Variants in ANKS1B observed in about 807,000 individuals in gnomAD.
The protein encoded by ANKS1B is ankyrin repeat and sterile alpha motif domain containing 1B.
ANKS1B carries 36 observed loss-of-function variants against 148.3 expected under a neutral mutation model. That is an observed-to-expected ratio of 0.24 (90% confidence interval 0.19 to 0.32). ANKS1B has a LOEUF of 0.32. Ranked by LOEUF, ANKS1B falls within the 10% of genes least tolerant of loss-of-function variation. The probability of loss-of-function intolerance (pLI) is 1.00; values close to 1 mark genes in which losing one functional copy is unlikely to be tolerated. For missense variants in ANKS1B, 1,157 were observed against 1,542.6 expected (o/e 0.75, Z 4.19); for synonymous variants, 542 against 560.8 (o/e 0.97, Z 0.47).
intron 10 of ANKS1B, among the ~76,000 whole-genome samples, chr12:99,495,342 A>AGAGT (rs1555458173): frequency 6.9e-6 from 1 of 145,298 alleles, no homozygotes; most frequent in Non-Finnish European, 1.5e-5. Flanking sequence ...GGGGAGAAAA[A>AGAGT]GTGTGTGTGT....
At chr12:99,681,116 T>G (rs2098612960) in intron 8 of ANKS1B, among the ~76,000 whole-genome samples, 1 of 152,030 alleles carries the variant, frequency 6.6e-6, no homozygotes, top group African/African-American at 2.4e-5. Context: ...ATGGCCCCAC[T>G]CATCACCTGA....
intron 26 of ANKS1B, among the ~76,000 whole-genome samples, chr12:98,746,296 C>A (rs1027655491): frequency 5.3e-5 from 8 of 152,160 alleles, no homozygotes; most frequent in Admixed American, 1.3e-4. Context: ...ACCTCCAGTA[C>A]CCCTGCCCAC....
chr12:99,463,823 G>A (rs1228936005), intron 10 of ANKS1B, among the ~76,000 whole-genome samples: 1 of 152,222 alleles, frequency 6.6e-6, no homozygotes, highest in African/African-American at 2.4e-5. Flanking sequence ...ACAGCTCAAG[G>A]AGGCCTGCCT....
chr12:99,152,535 T>C (rs2075212919), intron 15 of ANKS1B, among the ~76,000 whole-genome samples: 1 of 152,166 alleles, frequency 6.6e-6, no homozygotes, highest in Admixed American at 6.6e-5. Context: ...GATCTCTCTT[T>C]GAATGCTTAT....
At chr12:99,093,814 T>G (rs2054941208) in intron 15 of ANKS1B, among the ~76,000 whole-genome samples, 1 of 152,012 alleles carries the variant, frequency 6.6e-6, no homozygotes, top group South Asian at 2.1e-4. Context: ...GAGAACTACA[T>G]TCAGAAATAG....
At chr12:99,636,872 C>G (rs758292725) in intron 9 of ANKS1B, among the ~76,000 whole-genome samples, 1 of 152,166 alleles carries the variant, frequency 6.6e-6, no homozygotes, top group Non-Finnish European at 1.5e-5. Flanking sequence ...TTAAAATACA[C>G]TTCAAAATCA....
At chr12:98,984,283 C>T (rs919814882) in intron 17 of ANKS1B, among the ~76,000 whole-genome samples, 3 of 152,316 alleles carry the variant, frequency 2.0e-5, no homozygotes, top group African/African-American at 7.2e-5. Flanking sequence ...TCTGAGTTTT[C>T]AACAAAGAAC....
At chr12:99,955,427 A>G (rs1174380211) in intron 1 of ANKS1B, among the ~76,000 whole-genome samples, 1 of 132,622 alleles carries the variant, frequency 7.5e-6, no homozygotes, top group African/African-American at 2.8e-5. Flanking sequence ...CGGGAGGCGG[A>G]GCTTGCAGTG....
chr12:98,894,912 C>A (rs1417255140), intron 17 of ANKS1B: 27 of 947,698 alleles, frequency 2.8e-5, no homozygotes, highest in Non-Finnish European at 3.0e-5. Context: ...CCGCCCCCCG[C>A]GCGGCGCGTG....
intron 10 of ANKS1B, among the ~76,000 whole-genome samples, chr12:99,475,299 A>C (rs2152919204): frequency 6.6e-6 from 1 of 151,622 alleles, no homozygotes; most frequent in South Asian, 2.1e-4. Context: ...AGTAAAATAT[A>C]TTAAAATTAA....
At chr12:98,940,599 A>G (rs1412322648) in intron 17 of ANKS1B, among the ~76,000 whole-genome samples, 2 of 152,128 alleles carry the variant, frequency 1.3e-5, no homozygotes, top group African/African-American at 2.4e-5. Flanking sequence ...AATATTTATT[A>G]TCTGTGTCAG....
chr12:98,900,771 T>C (rs2099770883), intron 17 of ANKS1B, among the ~76,000 whole-genome samples: 1 of 152,222 alleles, frequency 6.6e-6, no homozygotes, highest in South Asian at 2.1e-4. Context: ...AAAAATACTT[T>C]TACTCATTAT....
At chr12:99,692,175 TCTGGATG>T (rs1263718168) in intron 8 of ANKS1B, among the ~76,000 whole-genome samples, 10 of 152,126 alleles carry the variant, frequency 6.6e-5, no homozygotes, top group Middle Eastern at 3.2e-3. Context: ...TAAAGAACAT[TCTGGATG>T]CTGTGAGTAA....
At chr12:99,312,373 G>C (rs2083301661) in intron 12 of ANKS1B, among the ~76,000 whole-genome samples, 1 of 152,082 alleles carries the variant, frequency 6.6e-6, no homozygotes. Context: ...TGGTGAGGTG[G>C]GAACAAGAAG....
Position 99,130,047 on chromosome 12 carries a change from G to A in ANKS1B, c.2526+24242C>T, listed in dbSNP as rs111691630. 5.1e-3 allele frequency among the ~76,000 whole-genome samples: 769 copies of A among 150,984 alleles called. 9 individuals are homozygous for A. Among genetic ancestry groups the A allele is most frequent in the African/African-American group, 0.018 (727 of 41,256 alleles). On this transcript the variant is annotated intron_variant, in intron 15 of 26. Transcript: ENST00000683438. ...GAGGAACACAATAATCTTTTTTTTT[G>A]TCTTCTGTACAGTTATATCAATTTT...
intron 1 of ANKS1B, among the ~76,000 whole-genome samples, chr12:99,836,030 T>A (rs1417525247): frequency 6.6e-6 from 1 of 152,228 alleles, no homozygotes; most frequent in African/African-American, 2.4e-5. Context: ...GAATATTTAC[T>A]GAAATGTGCA....
intron 1 of ANKS1B, among the ~76,000 whole-genome samples, chr12:99,900,484 C>T (rs984706230): frequency 1.1e-4 from 14 of 124,034 alleles, no homozygotes; most frequent in African/African-American, 1.9e-4. Context: ...CCAGCCTGGG[C>T]GACAGAGTGA....
chr12:99,732,052 T>C (rs1600881338), intron 8 of ANKS1B, among the ~76,000 whole-genome samples: 1 of 152,128 alleles, frequency 6.6e-6, no homozygotes, highest in African/African-American at 2.4e-5. Context: ...GGTAAATAAA[T>C]GATGTTCTAT....
At chr12:99,896,469 ACAC>A (rs2093391483) in intron 1 of ANKS1B, among the ~76,000 whole-genome samples, 1 of 151,354 alleles carries the variant, frequency 6.6e-6, no homozygotes, top group Non-Finnish European at 1.5e-5. Context: ...GTGAATAGAG[ACAC>A]CACAATTTCT....
Sources: gnomAD v4.1 joint callset for allele counts (sites outside exome capture counted in the v4.1 genomes callset) on GRCh38, gnomAD v4.1.1 for gene constraint, MANE v1.5 for transcripts, NCBI Gene and HGNC (gene_info 2026-07-23, HGNC 2026-07-21) for gene names.